SPTY2D1: variants seen among roughly 807,000 people sequenced by gnomAD.
The protein encoded by SPTY2D1 is protein SPT2 homolog.
A neutral mutation model predicts 64.0 loss-of-function variants in SPTY2D1; 21 were observed. That is an observed-to-expected ratio of 0.33 (90% CI 0.23 to 0.47). The LOEUF (loss-of-function observed/expected upper bound fraction) is 0.47, where lower values mean the gene tolerates loss of function less well. SPTY2D1 is among the 20% of genes least tolerant of loss of function. The pLI is 1.00. For missense variants in SPTY2D1, 724 were observed against 837.2 expected (o/e 0.86, Z 1.67); for synonymous variants, 287 against 286.8 (o/e 1.00, Z -0.01).
intron 1 of SPTY2D1, among the ~76,000 whole-genome samples, chr11:18,631,379 G>A (rs1854584727): frequency 6.6e-6 from 1 of 151,706 alleles, no homozygotes; most frequent in Admixed American, 6.6e-5. Context: ...TTTGATACCA[G>A]CCCTATCTCT....
At chr11:18,633,861 T>G (rs961414143) in intron 1 of SPTY2D1, among the ~76,000 whole-genome samples, 6 of 152,216 alleles carry the variant, frequency 3.9e-5, no homozygotes, top group Non-Finnish European at 2.9e-5. Flanking sequence ...GAAGTTTATG[T>G]GGAAGCCAAA....
chr11:18,625,809 A>C (rs1382147863), intron 1 of SPTY2D1, among the ~76,000 whole-genome samples: 1 of 146,600 alleles, frequency 6.8e-6, no homozygotes, highest in Admixed American at 6.8e-5. Flanking sequence ...ATTTAACTCC[A>C]ACACTTTCTT....
At position 18,612,213 on chromosome 11, in the gene SPTY2D1, A is replaced by C; in HGVS notation, c.1886+101T>G. Reference sequence around the variant, plus strand: ...ATCACCCAAGGGTTCCTAATTAAGAATTGTATTCAGTGCCTCCACTATTAG... The same window carrying C: ...ATCACCCAAGGGTTCCTAATTAAGACTTGTATTCAGTGCCTCCACTATTAG... On this transcript the variant is annotated intron_variant, in intron 4 of 5. Coordinates refer to ENST00000336349, the MANE Select transcript of SPTY2D1 (RefSeq NM_194285.3). The surrounding 1 kb of genome is among the most constrained non-coding windows in gnomAD (Gnocchi z 4.6). 1.1e-6 allele frequency: 1 copy of C among 879,072 alleles called. No individual in the cohort carries two copies. Among genetic ancestry groups the C allele is most frequent in the Admixed American group, 2.9e-5 (1 of 34,000 alleles). The allele number at this position is 879,072 out of a possible 1,614,324, so 54.5% of individuals were successfully genotyped here.
At chr11:18,630,885 G>A (rs1407757390) in intron 1 of SPTY2D1, among the ~76,000 whole-genome samples, 3 of 152,066 alleles carry the variant, frequency 2.0e-5, no homozygotes, top group Non-Finnish European at 4.4e-5. Context: ...GCAGTGGCAC[G>A]ATCTCCACTC....
chr11:18,628,333 C>T (rs931769243), intron 1 of SPTY2D1, among the ~76,000 whole-genome samples: 6 of 152,182 alleles, frequency 3.9e-5, no homozygotes, highest in African/African-American at 1.4e-4. Context: ...TGTATGTTTT[C>T]CTTTCTCTTA....
intron 1 of SPTY2D1, among the ~76,000 whole-genome samples, chr11:18,625,202 C>T (rs2134116495): frequency 6.6e-6 from 1 of 152,268 alleles, no homozygotes; most frequent in Non-Finnish European, 1.5e-5. Context: ...TTTCTCAGAA[C>T]ATCAGAGTCA....
At chr11:18,627,258 C>CAAA (rs1192277676) in intron 1 of SPTY2D1, among the ~76,000 whole-genome samples, 3 of 48,708 alleles carry the variant, frequency 6.2e-5, no homozygotes, top group East Asian at 5.0e-4. Context: ...ACTAAAAATA[C>CAAA]AAAAAAAAAA....
At chr11:18,611,844 T>G (rs1050548303) in intron 4 of SPTY2D1, among the ~76,000 whole-genome samples, 1 of 152,188 alleles carries the variant, frequency 6.6e-6, no homozygotes, top group Non-Finnish European at 1.5e-5. Context: ...TACATTTACT[T>G]GATAATTTAT....
intron 1 of SPTY2D1, among the ~76,000 whole-genome samples, chr11:18,625,153 G>A (rs1032932912): frequency 3.3e-5 from 5 of 152,180 alleles, no homozygotes; most frequent in Admixed American, 6.5e-5. Flanking sequence ...AAAGAATGCT[G>A]CATCCTTAAC....
chr11:18,634,045 C>T (rs888012443), intron 1 of SPTY2D1, among the ~76,000 whole-genome samples, 153 bp downstream of exon 1: 4 of 152,194 alleles, frequency 2.6e-5, no homozygotes, highest in Admixed American at 2.0e-4. Context: ...CTCCCGAGTT[C>T]CCAAGAGTAT....
intron 5 of SPTY2D1, among the ~76,000 whole-genome samples, chr11:18,610,680 A>C (rs1423582440): frequency 4.0e-5 from 6 of 150,846 alleles, no homozygotes; most frequent in South Asian, 2.1e-4. Context: ...AAAAAAAAAA[A>C]AAAAAAAACA....
At chr11:18,611,379 T>C (rs925279379) in intron 5 of SPTY2D1, 98 bp downstream of exon 5, 1 of 1,090,856 alleles carries the variant, frequency 9.2e-7, no homozygotes, top group Non-Finnish European at 1.4e-6. Context: ...CAGAATTCTC[T>C]GGCCCAAAGC....
At chr11:18,617,698 T>G (rs950217233) in intron 1 of SPTY2D1, among the ~76,000 whole-genome samples, 1 of 150,504 alleles carries the variant, frequency 6.6e-6, no homozygotes, top group Middle Eastern at 3.3e-3. Flanking sequence ...TCCCAACACT[T>G]TGGGCGGCTG....
intron 5 of SPTY2D1, among the ~76,000 whole-genome samples, chr11:18,610,534 G>A (rs1404484960): frequency 2.0e-5 from 3 of 151,732 alleles, no homozygotes; most frequent in Non-Finnish European, 2.9e-5. Context: ...GCGTGGTAGC[G>A]CACACCTGTA....
At chr11:18,632,940 C>T (rs561298403) in intron 1 of SPTY2D1, among the ~76,000 whole-genome samples, 1 of 152,178 alleles carries the variant, frequency 6.6e-6, no homozygotes, top group Admixed American at 6.5e-5. Context: ...GGTTACTAGA[C>T]CCAATATTGA....
Position 18,609,435 on chromosome 11 carries a change from TA to T in SPTY2D1, c.*425del, listed in dbSNP as rs1447571137. ...ATTCATGGAAGGTCCAGGTTTCTCA[TA>T]AAAAGACTAAGTTTGATTGGGAGCA... On this transcript the variant is annotated 3_prime_UTR_variant, in exon 6 of 6. Coordinates refer to ENST00000336349, the MANE Select transcript of SPTY2D1 (RefSeq NM_194285.3). The T allele has an allele frequency of 6.2e-6, 1 of 161,684 alleles. No homozygotes were observed. The highest frequency in any genetic ancestry group is 1.4e-5 in the Non-Finnish European group (1 of 73,354). The allele number at this position is 161,684 out of a possible 1,614,324, so 10.0% of individuals were successfully genotyped here. A position where few individuals can be genotyped will look rare whatever the true frequency, so the allele number is the denominator to read the frequency against.
At position 18,615,519 on chromosome 11, in the gene SPTY2D1, G is replaced by A; in HGVS notation, c.755C>T (p.Ser252Phe). ...ATGAGGAAGGGGCATTCCTTTGGAA[G>A]AAGGATGCCTGTCTCCAGAACCTTT... ...LSKGSGDRHP[S>F]SKGMPLPHAE... Residue 252 changes from serine to phenylalanine, a missense_variant, in exon 3 of 6, where the codon TCT becomes TTT. By Grantham distance (155) the Ser-to-Phe change is radical. Around this residue, in one of 3 missense-constraint regions of SPTY2D1, gnomAD observed 426 missense variants for 431.8 expected, o/e 0.99. Coordinates refer to ENST00000336349, the MANE Select transcript of SPTY2D1 (RefSeq NM_194285.3). The A allele has an allele frequency of 6.2e-7, 1 of 1,614,226 alleles. No homozygotes were observed. Among genetic ancestry groups the A allele is most frequent in the South Asian group, 1.1e-5 (1 of 91,082 alleles).
Position 18,615,707 on chromosome 11 carries a change from C to T in SPTY2D1, c.567G>A (p.Val189=), listed in dbSNP as rs182297210. The T allele has an allele frequency of 2.5e-6, 4 of 1,614,030 alleles. No homozygotes were observed. The highest frequency in any genetic ancestry group is 1.7e-5 in the Admixed American group (1 of 59,960). ...TCATAGGTCGCTCTTCTGATTTCTTCACTACCTTGATTTCCACTGGTTCAA... is the reference window on the plus strand; with the variant it reads ...TCATAGGTCGCTCTTCTGATTTCTTTACTACCTTGATTTCCACTGGTTCAA... ...KQFEPVEIKV[V]KKSEERPMTA... The change falls in exon 3 of 6, where the codon GTG becomes GTA. Residue 189 remains valine, a synonymous_variant. Coordinates refer to ENST00000336349, the MANE Select transcript of SPTY2D1 (RefSeq NM_194285.3).
At chr11:18,625,839 G>A (rs1265604777) in intron 1 of SPTY2D1, among the ~76,000 whole-genome samples, 1 of 127,866 alleles carries the variant, frequency 7.8e-6, no homozygotes, top group South Asian at 2.6e-4. Flanking sequence ...TTTTTGAGAT[G>A]GAGTCTCGCT....
Sources: allele counts gnomAD v4.1 joint callset (sites outside exome capture counted in the v4.1 genomes callset), GRCh38; gene constraint gnomAD v4.1.1; regional missense constraint gnomAD v4.1.1; non-coding constraint Gnocchi (gnomAD v3.1); transcripts MANE v1.5; gene names NCBI Gene and HGNC (gene_info 2026-07-23, HGNC 2026-07-21).